The following LHX6 variants were observed in gnomAD, a reference collection of about 807,000 sequenced individuals.
LHX6 encodes the protein LIM homeobox 6.
In LHX6, 15 loss-of-function variants were observed where a neutral mutation model predicts 47.1. The ratio of observed to expected loss-of-function variants is 0.32; its 90% CI spans 0.21 to 0.49. LHX6 has a LOEUF of 0.49. Among genes scored for constraint, LHX6 ranks in the 20% least tolerant of loss-of-function variants. LHX6 has a pLI of 0.99. For missense variants in LHX6, 404 were observed against 539.6 expected, an observed-to-expected ratio of 0.75 and a Z score of 2.49; for synonymous variants, 242 against 233.5, an observed-to-expected ratio of 1.04 and a Z score of -0.33.
At position 122,217,370 on chromosome 9, in the gene LHX6, G is replaced by A; in HGVS notation, c.462-82C>T. 2 of 1,171,262 alleles carry A rather than the reference G, an allele frequency of 1.7e-6. No individual in the cohort carries two copies. The highest frequency in any genetic ancestry group is 2.4e-6 in the Non-Finnish European group (2 of 830,306). 72.6% of individuals were successfully genotyped at this position (1,171,262 alleles called of 1,614,324 possible). A position where few individuals can be genotyped will look rare whatever the true frequency, so the allele number is the denominator to read the frequency against. On this transcript the variant is annotated intron_variant, in intron 4 of 9. Transcript: ENST00000394319. This position sits in a 1 kb window ranked among gnomAD's most constrained non-coding sequence, Gnocchi z 4.9. ...CCTTCCACCACCCAATGGCCCGCCA[G>A]CCCCCAGGCTCCTGGCCTCTAAGTC... is the stretch of plus-strand genomic sequence containing the variant.
chr9:122,208,376 T>A (rs1320251786), intron 9 of LHX6, among the ~76,000 whole-genome samples: 3 of 151,950 alleles, frequency 2.0e-5, no homozygotes, highest in East Asian at 1.9e-4. Context: ...CCTGTCACAC[T>A]GTATTGTAAC....
Position 122,208,570 on chromosome 9 carries a change from G to A in LHX6, c.1158+1044C>T, listed in dbSNP as rs554133761. Among the ~76,000 whole-genome samples the A allele has an allele frequency of 2.0e-5, 3 of 152,290 alleles. No individual in the cohort carries two copies. The South Asian group carries it at 6.2e-4, about 32-fold the overall frequency. Reference sequence around the variant, plus strand: ...GGTTCGGCCGGGCACGGTGGCTCACGCCTGTAATCCCAGCACTTTGGGAGG... The same window carrying A: ...GGTTCGGCCGGGCACGGTGGCTCACACCTGTAATCCCAGCACTTTGGGAGG... On this transcript the variant is annotated intron_variant, in intron 9 of 9. Coordinates refer to ENST00000394319, the MANE Select transcript of LHX6 (RefSeq NM_014368.5).
intron 8 of LHX6, among the ~76,000 whole-genome samples, chr9:122,211,307 G>A (rs1830390809): frequency 1.3e-5 from 2 of 152,208 alleles, no homozygotes; most frequent in South Asian, 2.1e-4. Context: ...TAAATTGGGA[G>A]TTCTTCACCT....
intron 9 of LHX6, 121 bp downstream of exon 9, chr9:122,209,493 C>T: frequency 6.9e-7 from 1 of 1,446,628 alleles, no homozygotes. Flanking sequence ...TCTCAGCAGG[C>T]CGGGCAGACA....
intron 5 of LHX6, among the ~76,000 whole-genome samples, chr9:122,215,616 T>C (rs1214882766): frequency 6.6e-6 from 1 of 152,224 alleles, no homozygotes; most frequent in African/African-American, 2.4e-5. Context: ...CTCTGACTCC[T>C]GGGTTTCCAT....
chr9:122,228,685 G>C lies in LHX6; in HGVS notation c.56C>G (p.Pro19Arg), dbSNP rs757424954. The change falls in exon 1 of 10, where the codon CCG (proline) becomes CGG (arginine). Residue 19 changes from proline to arginine, a missense_variant. Pro to Arg is a moderately radical substitution (Grantham distance 103, BLOSUM62 -2). This residue lies in a region of LHX6 where 144 missense variants were observed against 128.7 expected (regional missense o/e 1.12). Coordinates refer to ENST00000394319, the MANE Select transcript of LHX6 (RefSeq NM_014368.5). Reference protein sequence around the residue: ...APALPEGCRLPAEGGPATDQV... With the variant: ...APALPEGCRLRAEGGPATDQV... ...GTCGGTGGCGGGGCCGCCCTCGGCC[G>C]GCAGCCGGCAGCCCTCGGGCAACGC... is the stretch of plus-strand genomic sequence containing the variant. The C allele has an allele frequency of 1.4e-4, 184 of 1,289,782 alleles. No individual in the cohort carries two copies. The highest frequency in any genetic ancestry group is 1.7e-4 in the Non-Finnish European group (169 of 1,019,430). The allele number at this position is 1,289,782 out of a possible 1,614,324, so 79.9% of individuals were successfully genotyped here. A position where few individuals can be genotyped will look rare whatever the true frequency, so the allele number is the denominator to read the frequency against.
Position 122,217,226 on chromosome 9 carries a change from C to T in LHX6, c.524G>A (p.Arg175Lys). 2 of 1,614,142 alleles carry T rather than the reference C, an allele frequency of 1.2e-6. No individual in the cohort carries two copies. Among genetic ancestry groups the T allele is most frequent in the Non-Finnish European group, 1.7e-6 (2 of 1,180,034 alleles). ...RQIYASDWVR[R>K]ARGNAYHLAC... ...CAGGTGGTAGGCGTTGCCGCGAGCTCTCCGCACCCAGTCGCTGGCGTAGAT... is the reference window on the plus strand; with the variant it reads ...CAGGTGGTAGGCGTTGCCGCGAGCTTTCCGCACCCAGTCGCTGGCGTAGAT... The change falls in exon 5 of 10, where the codon AGA (arginine) becomes AAA (lysine). Residue 175 changes from arginine to lysine, a missense_variant. This residue lies in a region of LHX6 where 12 missense variants were observed against 61.9 expected (regional missense o/e 0.19). Coordinates refer to ENST00000394319, the MANE Select transcript of LHX6 (RefSeq NM_014368.5). The surrounding 1 kb of genome is among the most constrained non-coding windows in gnomAD (Gnocchi z 4.9).
intron 4 of LHX6, among the ~76,000 whole-genome samples, chr9:122,219,413 T>A (rs1830732138): frequency 6.6e-6 from 1 of 152,162 alleles, no homozygotes; most frequent in Non-Finnish European, 1.5e-5. Context: ...ACGGTCTCTG[T>A]TCCCCGTCCC....
intron 1 of LHX6, chr9:122,227,759 T>C (rs1834736728): frequency 2.0e-6 from 1 of 499,998 alleles, no homozygotes; most frequent in South Asian, 4.5e-5. Flanking sequence ...TCCAAGCCTC[T>C]GAGGGGGGAA....
At chr9:122,212,665 C>T (rs1830439588) in intron 8 of LHX6, among the ~76,000 whole-genome samples, 1 of 152,188 alleles carries the variant, frequency 6.6e-6, no homozygotes, top group Non-Finnish European at 1.5e-5. Flanking sequence ...TCCCTCACTC[C>T]TCCAGGTTCC....
Position 122,218,095 on chromosome 9 carries a change from C to T in LHX6, c.462-807G>A, listed in dbSNP as rs1295000698. 5.9e-5 allele frequency among the ~76,000 whole-genome samples: 9 copies of T among 152,288 alleles called. No homozygotes were observed. In the East Asian group the frequency reaches 9.6e-4, roughly 16 times the overall value. ...GCCCCTCAAGCCTTCCTTGATTCTA[C>T]GACTTCTCCTTCTCCCTTCTGGTTT... On this transcript the variant is annotated intron_variant, in intron 4 of 9. Transcript: ENST00000394319.
At position 122,226,313 on chromosome 9, in the gene LHX6, G is replaced by A; in HGVS notation, c.461+63C>T. 1 of 1,553,328 alleles carries A rather than the reference G, an allele frequency of 6.4e-7. No homozygotes were observed. The highest frequency in any genetic ancestry group is 1.2e-5 in the South Asian group (1 of 82,416). ...AGGAGAGACCACACGCCGCAAAAGT[G>A]GCCTCCGAATGCGCCCGGGGCCTGC... On this transcript the variant is annotated intron_variant, in intron 4 of 9. Coordinates refer to ENST00000394319, the MANE Select transcript of LHX6 (RefSeq NM_014368.5). The surrounding 1 kb of genome is among the most constrained non-coding windows in gnomAD (Gnocchi z 6.5).
At chr9:122,209,160 A>G (rs1830304805) in intron 9 of LHX6, among the ~76,000 whole-genome samples, 1 of 152,232 alleles carries the variant, frequency 6.6e-6, no homozygotes, top group Non-Finnish European at 1.5e-5. Flanking sequence ...AGACAACCAG[A>G]AATCCTGGCT....
At chr9:122,216,968 C>T in intron 5 of LHX6, 100 bp downstream of exon 5, 1 of 996,830 alleles carries the variant, frequency 1.0e-6, no homozygotes, top group Non-Finnish European at 1.5e-6. Context: ...ACCGGGAGGG[C>T]CCAATCGGTA....
intron 4 of LHX6, among the ~76,000 whole-genome samples, chr9:122,218,790 C>T (rs1830696555): frequency 6.6e-6 from 1 of 152,150 alleles, no homozygotes; most frequent in Non-Finnish European, 1.5e-5. Flanking sequence ...GTGTCCCAGT[C>T]AGCCACAATG....
At chr9:122,228,072 T>C (rs1376269422) in intron 1 of LHX6, 4 of 552,738 alleles carry the variant, frequency 7.2e-6, no homozygotes, top group Non-Finnish European at 1.3e-5. Flanking sequence ...CGGAGGGTGG[T>C]TGAAGAAAAG....
At position 122,217,292 on chromosome 9, in the gene LHX6, C is replaced by T. The variant is rs1830630626; in HGVS notation, c.462-4G>A. 1.2e-6 allele frequency: 2 copies of T among 1,607,832 alleles called. No homozygotes were observed. The highest frequency in any genetic ancestry group is 2.2e-5 in the South Asian group (2 of 90,836). On this transcript the variant is annotated splice_region_variant and splice_polypyrimidine_tract_variant and intron_variant, in intron 4 of 9. Transcript: ENST00000394319. This position sits in a 1 kb window ranked among gnomAD's most constrained non-coding sequence, Gnocchi z 4.9. ...GGCACACTTGGTCCCGAATCGGCTG[C>T]AGGTCGAGAGGACAGGCACGGGGTG...
At chr9:122,221,354 C>T in intron 4 of LHX6, 1 of 985,658 alleles carries the variant, frequency 1.0e-6, no homozygotes, top group African/African-American at 1.7e-5. Flanking sequence ...CTGGCCGCCG[C>T]TGGGCCGCTC....
intron 4 of LHX6, among the ~76,000 whole-genome samples, chr9:122,219,322 T>C (rs966958677): frequency 6.6e-6 from 1 of 152,192 alleles, no homozygotes; most frequent in African/African-American, 2.4e-5. Context: ...AGCACCTTCG[T>C]TGAATCCACC....
Sources: gnomAD v4.1 joint callset for allele counts (sites outside exome capture counted in the v4.1 genomes callset) on GRCh38, gnomAD v4.1.1 for gene constraint, gnomAD v4.1.1 regional missense constraint, Gnocchi (gnomAD v3.1) non-coding constraint, MANE v1.5 for transcripts, NCBI Gene and HGNC (gene_info 2026-07-23, HGNC 2026-07-21) for gene names.